GSE1: variants seen among roughly 807,000 people sequenced by gnomAD.
GSE1 encodes Gse1 coiled-coil protein.
Under a neutral mutation model 112.6 loss-of-function variants are expected in GSE1, and 32 were observed. The ratio of observed to expected loss-of-function variants is 0.28; its 90% CI spans 0.21 to 0.38. The LOEUF (loss-of-function observed/expected upper bound fraction) is 0.38. Among genes scored for constraint, GSE1 ranks in the 10% least tolerant of loss-of-function variants. GSE1 has a pLI of 1.00. For missense variants in GSE1, 2,348 were observed against 1,699.2 expected (o/e 1.38, Z -6.71); for synonymous variants, 1,115 against 735.6 (o/e 1.52, Z -8.35).
intron 1 of GSE1, among the ~76,000 whole-genome samples, chr16:85,575,132 C>G (rs1195247274): frequency 1.3e-5 from 2 of 151,758 alleles, no homozygotes; most frequent in Non-Finnish European, 2.9e-5. Flanking sequence ...TTTATCACAC[C>G]TTGGCGCTAC....
chr16:85,379,132 G>T (rs909058799), intron 2 of GSE1, among the ~76,000 whole-genome samples: 1 of 152,136 alleles, frequency 6.6e-6, no homozygotes, highest in Non-Finnish European at 1.5e-5. Context: ...TATCTCCCTG[G>T]ACTTCCGGGG....
chr16:85,417,467 G>A (rs879783998), intron 2 of GSE1, among the ~76,000 whole-genome samples: 9 of 152,222 alleles, frequency 5.9e-5, no homozygotes, highest in Non-Finnish European at 1.3e-4. Flanking sequence ...ACACGGTTTC[G>A]GACTCCCTCT....
At chr16:85,555,398 G>A (rs558165598), upstream of GSE1, 22 of 984,154 alleles carry the variant, frequency 2.2e-5, no homozygotes, top group Admixed American at 1.8e-4. Flanking sequence ...CAAAAAAGGG[G>A]GGGGAGGGGT....
chr16:85,571,305 A>T (rs529457265), intron 1 of GSE1, among the ~76,000 whole-genome samples: 1 of 152,370 alleles, frequency 6.6e-6, no homozygotes, highest in African/African-American at 2.4e-5. Context: ...GGTGGCCACT[A>T]GCATAGATCC....
intron 3 of GSE1, among the ~76,000 whole-genome samples, chr16:85,653,727 A>T (rs763849773): frequency 6.6e-6 from 1 of 152,034 alleles, no homozygotes; most frequent in African/African-American, 2.4e-5. Flanking sequence ...GGGGCAGACC[A>T]GCACCTTCGG....
intron 2 of GSE1, among the ~76,000 whole-genome samples, chr16:85,376,658 C>T (rs986403944): frequency 6.6e-6 from 1 of 152,200 alleles, no homozygotes; most frequent in Admixed American, 6.5e-5. Flanking sequence ...TGGAGGCCAG[C>T]CCAGAGGGAG....
intron 1 of GSE1, among the ~76,000 whole-genome samples, chr16:85,566,805 CA>C (rs1311031122): frequency 1.3e-5 from 2 of 152,132 alleles, no homozygotes; most frequent in East Asian, 3.8e-4. Flanking sequence ...GATTATCTGA[CA>C]AGAGAAAGGG....
chr16:85,555,885 C>T (rs994659982), upstream of GSE1: 101 of 832,602 alleles, frequency 1.2e-4, no homozygotes, highest in African/African-American at 1.8e-3. Context: ...TTTCATCACC[C>T]TCACCTCCCC....
intron 1 of GSE1, among the ~76,000 whole-genome samples, chr16:85,195,964 G>A (rs578010755): frequency 6.6e-6 from 1 of 152,284 alleles, no homozygotes; most frequent in African/African-American, 2.4e-5. Flanking sequence ...TCAGACAGAT[G>A]CTTTAGTACC....
In GSE1 at chr16:85,673,968, G is replaced by C. The variant is rs1046683981; in HGVS notation, c.*1429G>C. On this transcript the variant is annotated 3_prime_UTR_variant, in exon 16 of 16. Coordinates refer to ENST00000253458, the MANE Select transcript of GSE1 (RefSeq NM_014615.5). ...CTCCTTTTTGAACTTACTGTGACAA[G>C]CACAGGAACGGTCAGAAACTGGGCT... 3 of 152,264 alleles carry C rather than the reference G, an allele frequency of 2.0e-5. No homozygotes were observed. Among genetic ancestry groups the C allele is most frequent in the African/African-American group, 7.2e-5 (3 of 41,460 alleles). 9.4% of individuals were successfully genotyped at this position (152,264 alleles called of 1,614,324 possible).
chr16:85,664,503 T>C (rs1406174061), intron 11 of GSE1: 1 of 152,408 alleles, frequency 6.6e-6, no homozygotes, highest in Non-Finnish European at 1.5e-5. Context: ...GAAAAAAAAT[T>C]AAGGGCGATG....
rs770052395 is a variant in GSE1, at chr16:85,661,508, T to TGCCCGG, written c.2014_2019dup (p.Gly672_Pro673dup). 7.4e-4 allele frequency: 1,185 copies of TGCCCGG among 1,611,952 alleles called. 2 individuals carry two copies. Among genetic ancestry groups the TGCCCGG allele is most frequent in the African/African-American group, 5.1e-3 (379 of 75,000 alleles). On this transcript the variant is annotated inframe_insertion, in exon 9 of 16. Transcript: ENST00000253458. Reference sequence around the variant, plus strand: ...GGGAGCCTGGAGCACCAGCCCTTCCTGCCCGGGCCCGGGCCCTTCCTGGCT... The same window carrying TGCCCGG: ...GGGAGCCTGGAGCACCAGCCCTTCCTGCCCGGGCCCGGGCCCGGGCCCTTCCTGGCT...
intron 2 of GSE1, among the ~76,000 whole-genome samples, chr16:85,525,761 CA>C (rs368083709): frequency 6.6e-6 from 1 of 152,346 alleles, no homozygotes; most frequent in East Asian, 1.9e-4. Context: ...TGTGTGACCC[CA>C]GACAAGCTGT....
chr16:85,178,296 G>A (rs1480680838), intron 1 of GSE1, among the ~76,000 whole-genome samples: 8 of 152,280 alleles, frequency 5.3e-5, no homozygotes, highest in Non-Finnish European at 1.0e-4. Flanking sequence ...TGGCAGAGGA[G>A]CAAGTGTTAA....
intron 15 of GSE1, among the ~76,000 whole-genome samples, chr16:85,671,321 T>TC (rs2053312975): frequency 6.6e-6 from 1 of 150,568 alleles, no homozygotes; most frequent in African/African-American, 2.4e-5. Context: ...GCGCCTGTAG[T>TC]CCCAGCTACT....
intron 2 of GSE1, among the ~76,000 whole-genome samples, chr16:85,414,411 C>T (rs528654042): frequency 1.3e-5 from 2 of 152,262 alleles, no homozygotes; most frequent in East Asian, 1.9e-4. Flanking sequence ...CCTGAAACAG[C>T]GCACACCCTT....
rs963727764 is a variant in GSE1 at position 85,315,728 on chromosome 16, A to C, written c.2284-41735A>C. On this transcript the variant is annotated intron_variant, in intron 1 of 2. Transcript: ENST00000637419. ...CGCTTTTAGTATAAAAGTCTATCCC[A>C]TGCAGTATTTGGGATATACTTATAC... is the stretch of plus-strand genomic sequence containing the variant. 2.6e-5 allele frequency among the ~76,000 whole-genome samples: 4 copies of C among 152,220 alleles called. 1 individual carries two copies. Among genetic ancestry groups the C allele is most frequent in the African/African-American group, 9.7e-5 (4 of 41,448 alleles).
At chr16:85,380,579 C>T (rs1417932409) in intron 2 of GSE1, among the ~76,000 whole-genome samples, 1 of 152,086 alleles carries the variant, frequency 6.6e-6, no homozygotes, top group African/African-American at 2.4e-5. Context: ...CCTCTCATCC[C>T]TCATGGTCGA....
chr16:85,517,151 C>G (rs1446562500), intron 2 of GSE1, among the ~76,000 whole-genome samples: 1 of 152,144 alleles, frequency 6.6e-6, no homozygotes, highest in Non-Finnish European at 1.5e-5. Context: ...TCGTTGTGGG[C>G]AGGCTGTGTC....
Sources: gnomAD v4.1 joint callset for allele counts (sites outside exome capture counted in the v4.1 genomes callset) on GRCh38, gnomAD v4.1.1 for gene constraint, MANE v1.5 for transcripts, NCBI Gene and HGNC (gene_info 2026-07-23, HGNC 2026-07-21) for gene names.